Variants in ZNF385D observed in about 807,000 individuals in gnomAD.
ZNF385D encodes zinc finger protein 659.
ZNF385D carries 15 observed loss-of-function variants against 35.8 expected under a neutral mutation model. That is an observed-to-expected ratio of 0.42 (90% CI 0.28 to 0.64). The LOEUF (loss-of-function observed/expected upper bound fraction) is 0.64, where lower values mean the gene tolerates loss of function less well. Ranked by LOEUF, ZNF385D falls within the 30% of genes least tolerant of loss-of-function variation. The pLI, the probability that ZNF385D is intolerant of heterozygous loss-of-function variation, is 0.23. For synonymous variants in ZNF385D, 212 were observed against 186.8 expected (o/e 1.13, Z -1.10); for missense variants, 474 against 494.6 (o/e 0.96, Z 0.39).
intron 2 of ZNF385D, among the ~76,000 whole-genome samples, chr3:22,179,759 C>G (rs556764826): frequency 2.6e-5 from 4 of 152,230 alleles, no homozygotes; most frequent in African/African-American, 9.6e-5. Context: ...ACACAACATA[C>G]CAGAATCTCT....
chr3:21,981,496 T>A (rs1353484111), intron 3 of ZNF385D, among the ~76,000 whole-genome samples: 1 of 152,190 alleles, frequency 6.6e-6, no homozygotes, highest in Admixed American at 6.6e-5. Flanking sequence ...TGGCAAAAAT[T>A]TCCTCTCATT....
chr3:21,626,276 G>A (rs1271385418), intron 2 of ZNF385D, among the ~76,000 whole-genome samples: 1 of 152,040 alleles, frequency 6.6e-6, no homozygotes, highest in African/African-American at 2.4e-5. Context: ...ACAGAATGAG[G>A]AAGAAAAGGA....
chr3:22,286,203 A>G (rs898147233), intron 2 of ZNF385D, among the ~76,000 whole-genome samples: 10 of 152,176 alleles, frequency 6.6e-5, no homozygotes, highest in African/African-American at 2.4e-4. Context: ...TAATATTTAA[A>G]TAAGATAATT....
intron 3 of ZNF385D, among the ~76,000 whole-genome samples, chr3:21,938,751 C>A (rs1441057030): frequency 6.6e-6 from 1 of 152,212 alleles, no homozygotes; most frequent in African/African-American, 2.4e-5. Context: ...CCCCCACCTT[C>A]TATGTCCATC....
chr3:21,462,883 G>C (rs191420661), intron 4 of ZNF385D, among the ~76,000 whole-genome samples: 2 of 152,174 alleles, frequency 1.3e-5, no homozygotes, highest in Non-Finnish European at 2.9e-5. Flanking sequence ...TCAGGAAGTT[G>C]AGGCAGCAGA....
At chr3:21,915,202 T>A (rs754003627) in intron 3 of ZNF385D, among the ~76,000 whole-genome samples, 1 of 152,082 alleles carries the variant, frequency 6.6e-6, no homozygotes, top group African/African-American at 2.4e-5. Flanking sequence ...TGGGATTAGA[T>A]ACATATTTTT....
At chr3:21,699,434 C>A (rs1203442736) in intron 1 of ZNF385D, among the ~76,000 whole-genome samples, 1 of 151,838 alleles carries the variant, frequency 6.6e-6, no homozygotes, top group Admixed American at 6.6e-5. Flanking sequence ...AAGTGTATAC[C>A]TATGTAACAC....
At chr3:22,322,325 T>A (rs1694478814) in intron 2 of ZNF385D, among the ~76,000 whole-genome samples, 1 of 152,294 alleles carries the variant, frequency 6.6e-6, no homozygotes. Flanking sequence ...TCAAATATAT[T>A]TTTTTGTCTA....
chr3:22,215,559 A>C (rs539166286), intron 2 of ZNF385D, among the ~76,000 whole-genome samples: 1 of 151,956 alleles, frequency 6.6e-6, no homozygotes, highest in Non-Finnish European at 1.5e-5. Flanking sequence ...ATAAATTTTT[A>C]GTCAGACTGG....
intron 2 of ZNF385D, among the ~76,000 whole-genome samples, chr3:21,650,047 G>GA (rs544406370): frequency 2.9e-3 from 431 of 147,064 alleles, no homozygotes; most frequent in Non-Finnish European, 4.5e-3. Context: ...AGTGAATATA[G>GA]AAAAAAAAAA....
chr3:21,764,776 G>A (rs1222928218), intron 3 of ZNF385D, among the ~76,000 whole-genome samples: 1 of 152,142 alleles, frequency 6.6e-6, no homozygotes, highest in Non-Finnish European at 1.5e-5. Context: ...ACACAGAGTG[G>A]CACTGAAGCA....
chr3:21,764,779 C>G (rs930433787), intron 3 of ZNF385D, among the ~76,000 whole-genome samples: 1 of 152,128 alleles, frequency 6.6e-6, no homozygotes, highest in Non-Finnish European at 1.5e-5. Context: ...CAGAGTGGCA[C>G]TGAAGCATGG....
intron 3 of ZNF385D, among the ~76,000 whole-genome samples, chr3:22,035,611 A>G (rs1576197961): frequency 6.6e-6 from 1 of 152,340 alleles, no homozygotes; most frequent in Middle Eastern, 3.4e-3. Flanking sequence ...GAAATGTAGC[A>G]GAGGCAGAGA....
chr3:21,649,012 A>G (rs971393873), intron 2 of ZNF385D, among the ~76,000 whole-genome samples: 2 of 152,134 alleles, frequency 1.3e-5, no homozygotes, highest in Admixed American at 6.5e-5. Flanking sequence ...TCTACAATAC[A>G]AACCTAGGAC....
rs200803155 is a variant in ZNF385D at position 21,724,477 on chromosome 3, C to CAAAAAAAAAAA, written c.22+26407_22+26417dup. Among the ~76,000 whole-genome samples, 13 of 52,014 alleles carry CAAAAAAAAAAA rather than the reference C, an allele frequency of 2.5e-4. 1 individual carries two copies. Among genetic ancestry groups the CAAAAAAAAAAA allele is most frequent in the African/African-American group, 4.7e-4 (3 of 6,318 alleles). 34.1% of individuals were successfully genotyped at this position (52,014 alleles called of 152,430 possible). A position where few individuals can be genotyped will look rare whatever the true frequency, so the allele number is the denominator to read the frequency against. ...AATATTTACCAAGCAAATGGAAAGC[C>CAAAAAAAAAAA]AAAAAAAAAAAAAAAAAAAAAAAAA... On this transcript the variant is annotated intron_variant, in intron 1 of 7. Transcript: ENST00000281523.
At chr3:21,713,236 G>C (rs9875169) in intron 1 of ZNF385D, among the ~76,000 whole-genome samples, 66,873 of 152,020 alleles carry the variant, frequency 0.44, 14,903 homozygotes, top group South Asian at 0.62. Flanking sequence ...AGTGTACAAG[G>C]GAAGTTCCAA....
chr3:21,476,896 A>T (rs1368548987), intron 4 of ZNF385D, among the ~76,000 whole-genome samples: 1 of 152,120 alleles, frequency 6.6e-6, no homozygotes, highest in Non-Finnish European at 1.5e-5. Context: ...TCTCATCGGT[A>T]TCCATACCCC....
At chr3:21,556,951 A>T (rs1355459659) in intron 3 of ZNF385D, among the ~76,000 whole-genome samples, 4 of 152,062 alleles carry the variant, frequency 2.6e-5, no homozygotes, top group Non-Finnish European at 5.9e-5. Flanking sequence ...ATAGGAGTTC[A>T]CTCATGATTT....
At chr3:21,791,792 T>A (rs1338694841) in intron 3 of ZNF385D, among the ~76,000 whole-genome samples, 2 of 152,204 alleles carry the variant, frequency 1.3e-5, no homozygotes, top group East Asian at 3.8e-4. Context: ...TGGAGTGTAG[T>A]GGCGCGATCT....
Sources: allele counts gnomAD v4.1 joint callset (sites outside exome capture counted in the v4.1 genomes callset), GRCh38; gene constraint gnomAD v4.1.1; transcripts MANE v1.5; gene names NCBI Gene and HGNC (gene_info 2026-07-23, HGNC 2026-07-21).